GRIN2A: variants seen among roughly 807,000 people sequenced by gnomAD.
GRIN2A encodes the protein glutamate ionotropic receptor NMDA type subunit 2A.
A neutral mutation model predicts 113.4 loss-of-function variants in GRIN2A; 22 were observed. The ratio of observed to expected loss-of-function variants is 0.19; its 90% CI spans 0.14 to 0.28. The LOEUF (loss-of-function observed/expected upper bound fraction) is 0.28. Ranked by LOEUF, GRIN2A falls within the 10% of genes least tolerant of loss-of-function variation. The pLI, the probability that GRIN2A is intolerant of heterozygous loss-of-function variation, is 1.00. For missense variants in GRIN2A, 1,502 were observed against 1,887.0 expected, an observed-to-expected ratio of 0.80 and a Z score of 3.78; for synonymous variants, 827 against 738.4, an observed-to-expected ratio of 1.12 and a Z score of -1.94.
At chr16:10,028,069 A>G (rs2046855566) in intron 2 of GRIN2A, among the ~76,000 whole-genome samples, 1 of 152,188 alleles carries the variant, frequency 6.6e-6, no homozygotes, top group Admixed American at 6.5e-5. Context: ...CTAGTCACTG[A>G]AAATGCCGAC....
intron 3 of GRIN2A, among the ~76,000 whole-genome samples, chr16:9,914,110 A>G (rs919782763): frequency 2.8e-4 from 43 of 151,806 alleles, no homozygotes; most frequent in Admixed American, 2.0e-4. Flanking sequence ...AAAAAAAAAA[A>G]GATGCAGTTC....
chr16:9,850,907 C>A (rs184933487), intron 4 of GRIN2A, among the ~76,000 whole-genome samples: 1 of 152,284 alleles, frequency 6.6e-6, no homozygotes. Flanking sequence ...GAAGCTGCCC[C>A]CGCACCGCTC....
In GRIN2A at chr16:10,112,762, C is replaced by G. The variant is rs764981630; in HGVS notation, c.414+67236G>C. The stretch of plus-strand genomic sequence containing the variant: ...CAGAAGTTTGTGCCCTACCTCATAG[C>G]GAGTAACCAGCATGGCTCCATGATG... On this transcript the variant is annotated intron_variant, in intron 2 of 12. Coordinates refer to ENST00000330684, the MANE Select transcript of GRIN2A (RefSeq NM_001134407.3). The G allele has an allele frequency of 4.2e-6, 3 of 713,212 alleles. No homozygotes were observed. The African/African-American group carries it at 5.2e-5, about 12-fold the overall frequency. 44.2% of individuals were successfully genotyped at this position (713,212 alleles called of 1,614,324 possible).
intron 2 of GRIN2A, among the ~76,000 whole-genome samples, chr16:9,995,633 C>T (rs1185662241): frequency 6.6e-6 from 1 of 151,888 alleles, no homozygotes; most frequent in Non-Finnish European, 1.5e-5. Flanking sequence ...ATAAATCACC[C>T]AAGGTCCCAG....
At chr16:10,104,866 G>T (rs2048465532) in intron 2 of GRIN2A, among the ~76,000 whole-genome samples, 1 of 152,166 alleles carries the variant, frequency 6.6e-6, no homozygotes, top group African/African-American at 2.4e-5. Context: ...AGCGCAGAGT[G>T]TAGGAGGAAG....
At chr16:9,840,587 C>T (rs2141341330) in intron 7 of GRIN2A, 60 bp downstream of exon 7, 1 of 1,506,132 alleles carries the variant, frequency 6.6e-7, no homozygotes, top group South Asian at 1.1e-5. Flanking sequence ...ATCCTCTGAG[C>T]AAACAAGATT....
At chr16:9,898,871 G>C (rs1162273029) in intron 3 of GRIN2A, among the ~76,000 whole-genome samples, 1 of 146,572 alleles carries the variant, frequency 6.8e-6, no homozygotes, top group Non-Finnish European at 1.5e-5. Flanking sequence ...GTCTATCTTA[G>C]TGCTTTCTCA....
chr16:10,087,929 A>G (rs949158707), intron 2 of GRIN2A, among the ~76,000 whole-genome samples: 4 of 149,498 alleles, frequency 2.7e-5, no homozygotes, highest in East Asian at 4.0e-4. Flanking sequence ...GGCTCAAGCA[A>G]TCTGCCCACC....
In GRIN2A at chr16:9,849,750, A is replaced by G. The variant is rs2042847409; in HGVS notation, c.1328+6T>C. The G allele has an allele frequency of 1.2e-6, 2 of 1,610,240 alleles. No homozygotes were observed. The highest frequency in any genetic ancestry group is 1.3e-5 in the African/African-American group (1 of 74,770). ...ACGTTCAGGTGACAGCATTCCTGCC[A>G]CTCACTTGATTTTGACGAACTTCCG... On this transcript the variant is annotated splice_donor_region_variant and intron_variant, in intron 5 of 12. Transcript: ENST00000330684.
intron 4 of GRIN2A, among the ~76,000 whole-genome samples, chr16:9,886,655 A>G (rs1448697917): frequency 6.6e-6 from 1 of 152,192 alleles, no homozygotes; most frequent in Admixed American, 6.5e-5. Flanking sequence ...AGCATCAAGG[A>G]TAGGGCCTGG....
chr16:9,781,362 A>G (rs751580669), intron 11 of GRIN2A, among the ~76,000 whole-genome samples: 1 of 152,162 alleles, frequency 6.6e-6, no homozygotes, highest in Admixed American at 6.5e-5. Flanking sequence ...AGATGGAAAC[A>G]AAACTTTTTT....
At chr16:10,023,185 A>G (rs2046757262) in intron 2 of GRIN2A, among the ~76,000 whole-genome samples, 1 of 152,186 alleles carries the variant, frequency 6.6e-6, no homozygotes, top group Admixed American at 6.5e-5. Context: ...GTTGGCAACA[A>G]ACAAAAAGAG....
intron 10 of GRIN2A, among the ~76,000 whole-genome samples, chr16:9,805,255 A>ATCT (rs1184861202): frequency 6.6e-6 from 1 of 152,180 alleles, no homozygotes; most frequent in African/African-American, 2.4e-5. Flanking sequence ...TTAGCTCATC[A>ATCT]TCTTCTTATG....
chr16:10,138,320 T>A (rs570379216), intron 2 of GRIN2A, among the ~76,000 whole-genome samples: 2 of 152,152 alleles, frequency 1.3e-5, no homozygotes, highest in South Asian at 2.1e-4. Context: ...TGAGACTGGG[T>A]AATTTATAAG....
At chr16:10,126,174 T>TC (rs905506565) in intron 2 of GRIN2A, among the ~76,000 whole-genome samples, 1 of 151,700 alleles carries the variant, frequency 6.6e-6, no homozygotes, top group South Asian at 2.1e-4. Flanking sequence ...TATATATATT[T>TC]TTTTTTGAGA....
At chr16:9,854,751 G>C (rs2042939669) in intron 4 of GRIN2A, among the ~76,000 whole-genome samples, 1 of 152,120 alleles carries the variant, frequency 6.6e-6, no homozygotes, top group African/African-American at 2.4e-5. Context: ...CTATTCTGAA[G>C]TGTGAGCCAA....
chr16:10,180,469 A>T lies in GRIN2A; in HGVS notation c.-18-40T>A. 6.4e-7 allele frequency: 1 copy of T among 1,566,448 alleles called. No individual in the cohort carries two copies. The highest frequency in any genetic ancestry group is 8.6e-7 in the Non-Finnish European group (1 of 1,162,348). Reference sequence around the variant, plus strand: ...GTGAGAGGCAGGGCCGCGGTGAGCAAGGCGACCAGAAGAAAGGGATTACCA... The same window carrying T: ...GTGAGAGGCAGGGCCGCGGTGAGCATGGCGACCAGAAGAAAGGGATTACCA... On this transcript the variant is annotated intron_variant, in intron 1 of 12. Transcript: ENST00000330684. This position sits in a 1 kb window ranked among gnomAD's most constrained non-coding sequence, Gnocchi z 7.0.
chr16:9,952,104 C>G (rs141865091), intron 2 of GRIN2A, among the ~76,000 whole-genome samples: 18 of 152,206 alleles, frequency 1.2e-4, no homozygotes, highest in African/African-American at 4.1e-4. Context: ...AAAATTAAGG[C>G]TGGAAGTGTG....
intron 2 of GRIN2A, among the ~76,000 whole-genome samples, chr16:10,104,255 T>C (rs1007492245): frequency 1.2e-4 from 18 of 152,208 alleles, no homozygotes; most frequent in Non-Finnish European, 1.2e-4. Flanking sequence ...GGTAAAAGAT[T>C]AGAGGATTCT....
Sources: gnomAD v4.1 joint callset for allele counts (sites outside exome capture counted in the v4.1 genomes callset) on GRCh38, gnomAD v4.1.1 for gene constraint, Gnocchi (gnomAD v3.1) non-coding constraint, MANE v1.5 for transcripts, NCBI Gene and HGNC (gene_info 2026-07-23, HGNC 2026-07-21) for gene names.